ASAP1: variants seen among roughly 807,000 people sequenced by gnomAD.
ASAP1 encodes the protein arf-GAP with SH3 domain, ANK repeat and PH domain-containing protein 1.
A neutral mutation model predicts 145.2 loss-of-function variants in ASAP1; 43 were observed. That is an observed-to-expected ratio of 0.30 (90% CI 0.23 to 0.38). The LOEUF (loss-of-function observed/expected upper bound fraction) is 0.38, where lower values mean the gene tolerates loss of function less well. Among genes scored for constraint, ASAP1 ranks in the 10% least tolerant of loss-of-function variants. The probability of loss-of-function intolerance (pLI) is 1.00; values close to 1 mark genes in which losing one functional copy is unlikely to be tolerated. For synonymous variants in ASAP1, 546 were observed against 515.5 expected, an observed-to-expected ratio of 1.06 and a Z score of -0.80; for missense variants, 1,018 against 1,355.3, an observed-to-expected ratio of 0.75 and a Z score of 3.91.
At position 130,422,496 on chromosome 8, in the gene ASAP1, T is replaced by C. The variant is rs543321509; in HGVS notation, c.-27-20526A>G. ...GTGCTTGTCTCTTACACAGTGTACT[T>C]TCCCGCCTTCTCCCTTGCCTCGGGC... On this transcript the variant is annotated intron_variant, in intron 1 of 29. Transcript: ENST00000518721. Among the ~76,000 whole-genome samples, 21 of 152,322 alleles carry C rather than the reference T, an allele frequency of 1.4e-4. No homozygotes were observed. In the South Asian group the frequency reaches 4.4e-3, roughly 32 times the overall value.
intron 3 of ASAP1, among the ~76,000 whole-genome samples, chr8:130,299,357 T>G (rs1304511844): frequency 3.3e-5 from 5 of 152,236 alleles, no homozygotes; most frequent in Non-Finnish European, 1.5e-5. Context: ...GCTACACGTA[T>G]GCACAGGGAA....
intron 14 of ASAP1, among the ~76,000 whole-genome samples, chr8:130,135,545 C>T (rs985366137): frequency 6.6e-6 from 1 of 152,094 alleles, no homozygotes; most frequent in African/African-American, 2.4e-5. Flanking sequence ...AAGAACATGC[C>T]ATGGGTGGCA....
chr8:130,198,278 C>T (rs1299239155), intron 5 of ASAP1, among the ~76,000 whole-genome samples: 2 of 152,026 alleles, frequency 1.3e-5, no homozygotes, highest in African/African-American at 2.4e-5. Flanking sequence ...GCACCTGCCA[C>T]CACACCCAGC....
At chr8:130,385,936 G>A (rs1204782707) in intron 2 of ASAP1, among the ~76,000 whole-genome samples, 1 of 152,176 alleles carries the variant, frequency 6.6e-6, no homozygotes, top group Admixed American at 6.5e-5. Flanking sequence ...TGAAGTCTGG[G>A]AATGATCAGG....
intron 13 of ASAP1, among the ~76,000 whole-genome samples, chr8:130,148,112 C>T (rs1171010340): frequency 6.6e-6 from 1 of 152,174 alleles, no homozygotes; most frequent in African/African-American, 2.4e-5. Flanking sequence ...ACCCTAAGAC[C>T]CCTGACTAAT....
intron 13 of ASAP1, among the ~76,000 whole-genome samples, chr8:130,142,515 T>C (rs1048335377): frequency 6.6e-6 from 1 of 152,182 alleles, no homozygotes; most frequent in Non-Finnish European, 1.5e-5. Context: ...CAAGCACATC[T>C]GAGAAACACA....
chr8:130,068,760 AC>A (rs2097435605), intron 27 of ASAP1, among the ~76,000 whole-genome samples: 1 of 152,210 alleles, frequency 6.6e-6, no homozygotes, highest in South Asian at 2.1e-4. Flanking sequence ...CAAGTGGGAC[AC>A]CCCAGATGCA....
chr8:130,386,423 C>A (rs2138437833), intron 2 of ASAP1, among the ~76,000 whole-genome samples: 1 of 152,346 alleles, frequency 6.6e-6, no homozygotes, highest in South Asian at 2.1e-4. Context: ...TCTGCCTGCC[C>A]CCGCTCCCAC....
intron 1 of ASAP1, among the ~76,000 whole-genome samples, chr8:130,419,715 G>A (rs11775309): frequency 0.034 from 5,165 of 152,154 alleles, 125 homozygotes; most frequent in Middle Eastern, 0.068. Context: ...AGGAGGGAGG[G>A]AGAGGGAGGC....
intron 2 of ASAP1, among the ~76,000 whole-genome samples, chr8:130,388,671 T>C (rs1048740180): frequency 1.3e-5 from 2 of 152,062 alleles, no homozygotes; most frequent in Non-Finnish European, 2.9e-5. Flanking sequence ...GCCGGCTTGG[T>C]GTCATAGAAG....
intron 22 of ASAP1, 63 bp downstream of exon 22, chr8:130,116,615 C>T: frequency 7.1e-7 from 1 of 1,407,916 alleles, no homozygotes; most frequent in East Asian, 2.3e-5. Context: ...ATTCTAGCTT[C>T]TCAGAATGAC....
intron 24 of ASAP1, among the ~76,000 whole-genome samples, chr8:130,095,324 G>T (rs1189526174): frequency 3.5e-5 from 4 of 113,936 alleles, no homozygotes; most frequent in African/African-American, 1.4e-4. Flanking sequence ...TTTTTGAGAC[G>T]CAGTTTCACT....
intron 1 of ASAP1, among the ~76,000 whole-genome samples, chr8:130,440,204 T>C (rs1830444389): frequency 6.6e-6 from 1 of 152,126 alleles, no homozygotes; most frequent in African/African-American, 2.4e-5. Context: ...GCTTCTACAC[T>C]TTGCCCCCTA....
intron 2 of ASAP1, among the ~76,000 whole-genome samples, chr8:130,367,419 G>T (rs1827008380): frequency 6.6e-6 from 1 of 152,216 alleles, no homozygotes; most frequent in Admixed American, 6.5e-5. Flanking sequence ...AGCCCAGCTA[G>T]ATCTATTTTT....
intron 1 of ASAP1, among the ~76,000 whole-genome samples, chr8:130,425,721 C>G (rs2138737002): frequency 6.6e-6 from 1 of 152,272 alleles, no homozygotes; most frequent in African/African-American, 2.4e-5. Context: ...ATTTAAAATG[C>G]CTACAAGTTA....
At chr8:130,326,138 A>G (rs1318592587) in intron 3 of ASAP1, among the ~76,000 whole-genome samples, 1 of 152,140 alleles carries the variant, frequency 6.6e-6, no homozygotes, top group Non-Finnish European at 1.5e-5. Context: ...AGAAGGCTTT[A>G]AGGAGGAGGT....
intron 2 of ASAP1, among the ~76,000 whole-genome samples, chr8:130,398,973 C>A (rs1393063796): frequency 1.3e-5 from 2 of 152,194 alleles, no homozygotes; most frequent in Non-Finnish European, 2.9e-5. Flanking sequence ...CACAGTCTTG[C>A]AGAATAAAGA....
intron 1 of ASAP1, among the ~76,000 whole-genome samples, chr8:130,407,435 C>T (rs1009378861): frequency 1.3e-5 from 2 of 152,180 alleles, no homozygotes; most frequent in Admixed American, 6.5e-5. Flanking sequence ...CAGTGCCTTC[C>T]GGGGAGCACT....
intron 3 of ASAP1, among the ~76,000 whole-genome samples, chr8:130,322,236 A>G (rs1175660164): frequency 1.3e-5 from 2 of 152,128 alleles, no homozygotes; most frequent in Non-Finnish European, 2.9e-5. Context: ...AGAAACTGAG[A>G]GATAAAAATT....
Sources: allele counts gnomAD v4.1 joint callset (sites outside exome capture counted in the v4.1 genomes callset), GRCh38; gene constraint gnomAD v4.1.1; transcripts MANE v1.5; gene names NCBI Gene and HGNC (gene_info 2026-07-23, HGNC 2026-07-21).